LRMDA: variants seen among roughly 807,000 people sequenced by gnomAD.
The protein encoded by LRMDA is leucine rich melanocyte differentiation associated, also known as leucine-rich melanocyte differentiation-associated protein.
Under a neutral mutation model 29.8 loss-of-function variants are expected in LRMDA, and 18 were observed. That is an observed-to-expected ratio of 0.60 (90% CI 0.42 to 0.90). LRMDA has a LOEUF of 0.90. Among genes scored for constraint, LRMDA ranks in the 40% least tolerant of loss-of-function variants. LRMDA has a pLI of 0.00. For missense variants in LRMDA, 273 were observed against 273.9 expected (o/e 1.00, Z 0.02); for synonymous variants, 125 against 109.4 (o/e 1.14, Z -0.89).
chr10:75,433,087 G>C (rs1239771969), intron 1 of LRMDA, among the ~76,000 whole-genome samples: 1 of 149,756 alleles, frequency 6.7e-6, no homozygotes, highest in African/African-American at 2.6e-5. Context: ...GGGGAAAGGG[G>C]CTTTTTTTTT....
intron 6 of LRMDA, among the ~76,000 whole-genome samples, chr10:76,487,117 T>C (rs567162728): frequency 6.6e-6 from 1 of 152,044 alleles, no homozygotes; most frequent in Admixed American, 6.6e-5. Context: ...TGGTTCATGA[T>C]CCAGCTGCAT....
intron 5 of LRMDA, among the ~76,000 whole-genome samples, chr10:76,082,552 T>C (rs1237599957): frequency 2.6e-5 from 4 of 151,836 alleles, no homozygotes; most frequent in South Asian, 2.1e-4. Context: ...AGAATTGGCT[T>C]AGAAACCTGT....
At chr10:76,444,713 G>A (rs1263620636) in intron 6 of LRMDA, among the ~76,000 whole-genome samples, 1 of 152,084 alleles carries the variant, frequency 6.6e-6, no homozygotes, top group African/African-American at 2.4e-5. Flanking sequence ...TGGAACCCAA[G>A]ATGGTGAGTA....
At chr10:75,965,820 T>G (rs1281731037) in intron 2 of LRMDA, among the ~76,000 whole-genome samples, 2 of 152,214 alleles carry the variant, frequency 1.3e-5, no homozygotes, top group South Asian at 2.1e-4. Context: ...GGTTTGTGGC[T>G]GTTGTACCTG....
chr10:76,206,235 C>G (rs1424478785), intron 5 of LRMDA, among the ~76,000 whole-genome samples: 1 of 152,168 alleles, frequency 6.6e-6, no homozygotes, highest in African/African-American at 2.4e-5. Flanking sequence ...GTTCTCAGAA[C>G]AGGTTGGAAC....
At chr10:76,298,003 T>C (rs1564715342) in intron 5 of LRMDA, among the ~76,000 whole-genome samples, 1 of 152,238 alleles carries the variant, frequency 6.6e-6, no homozygotes, top group Non-Finnish European at 1.5e-5. Flanking sequence ...CTTGCTGGTA[T>C]GAGCCATTAA....
At chr10:75,821,804 C>A (rs1298307713) in intron 2 of LRMDA, among the ~76,000 whole-genome samples, 1 of 145,796 alleles carries the variant, frequency 6.9e-6, no homozygotes, top group East Asian at 2.0e-4. Context: ...ACAAAAAAAA[C>A]CCTTACCAAA....
chr10:75,585,115 G>C (rs1840641106), intron 2 of LRMDA, among the ~76,000 whole-genome samples: 1 of 152,194 alleles, frequency 6.6e-6, no homozygotes, highest in African/African-American at 2.4e-5. Flanking sequence ...CCCAGAACCA[G>C]AGACCTCTCC....
rs72811475 is a variant in LRMDA, at chr10:75,901,855, G to A, written c.132-134153G>A. On this transcript the variant is annotated intron_variant, in intron 2 of 6. Coordinates refer to ENST00000611255, the MANE Select transcript of LRMDA (RefSeq NM_001305581.2). ...ATATTGACAACCTGTTTTAGATCTC[G>A]AGGTTTTTCACGTGGTCTTTTTCTT... Among the ~76,000 whole-genome samples the A allele has an allele frequency of 9.5e-3, 1,444 of 152,150 alleles. 10 individuals carry two copies. Among genetic ancestry groups the A allele is most frequent in the Non-Finnish European group, 0.017 (1,132 of 67,994 alleles).
At chr10:76,343,336 C>T (rs1564729754) in intron 6 of LRMDA, among the ~76,000 whole-genome samples, 1 of 152,180 alleles carries the variant, frequency 6.6e-6, no homozygotes, top group Admixed American at 6.5e-5. Context: ...TAACTGCATA[C>T]TCACTCCAAT....
At chr10:76,477,802 A>G (rs1445279923) in intron 6 of LRMDA, among the ~76,000 whole-genome samples, 1 of 152,196 alleles carries the variant, frequency 6.6e-6, no homozygotes, top group Non-Finnish European at 1.5e-5. Flanking sequence ...GAAATGGGGA[A>G]AGGATTCCCT....
At chr10:75,657,806 T>A (rs1841698069) in intron 2 of LRMDA, among the ~76,000 whole-genome samples, 1 of 152,164 alleles carries the variant, frequency 6.6e-6, no homozygotes, top group Non-Finnish European at 1.5e-5. Context: ...TAACGGGTCC[T>A]AGGCTAAGAA....
chr10:76,499,895 G>A lies in LRMDA; in HGVS notation c.602-57314G>A, dbSNP rs1178464509. On this transcript the variant is annotated intron_variant, in intron 6 of 6. Transcript: ENST00000611255. Reference sequence around the variant, plus strand: ...TTATGTTATATATTTTTTAGAAATAGGGTCTCACTCTGTAACCTAGACTGA... The same window carrying A: ...TTATGTTATATATTTTTTAGAAATAAGGTCTCACTCTGTAACCTAGACTGA... Among the ~76,000 whole-genome samples the A allele has an allele frequency of 4.1e-5, 3 of 73,852 alleles. 1 individual carries two copies. The highest frequency in any genetic ancestry group is 9.9e-5 in the African/African-American group (3 of 30,386). 48.4% of individuals were successfully genotyped at this position (73,852 alleles called of 152,430 possible).
chr10:75,635,353 T>A (rs897193564), intron 2 of LRMDA, among the ~76,000 whole-genome samples: 5 of 152,142 alleles, frequency 3.3e-5, no homozygotes, highest in African/African-American at 1.2e-4. Flanking sequence ...GGATTTGGCC[T>A]TTCGCATGGT....
intron 1 of LRMDA, among the ~76,000 whole-genome samples, chr10:75,433,636 G>C (rs1844231468): frequency 1.3e-5 from 2 of 152,208 alleles, no homozygotes; most frequent in African/African-American, 4.8e-5. Flanking sequence ...TTGGATGTGG[G>C]TAGCATGGAA....
chr10:75,565,449 G>A (rs950386107), intron 2 of LRMDA, among the ~76,000 whole-genome samples: 2 of 152,210 alleles, frequency 1.3e-5, no homozygotes, highest in African/African-American at 4.8e-5. Flanking sequence ...ATCAGTGAGA[G>A]TGTGTTGGTT....
intron 2 of LRMDA, among the ~76,000 whole-genome samples, chr10:75,731,439 G>C (rs990724899): frequency 6.6e-5 from 10 of 152,320 alleles, no homozygotes; most frequent in Middle Eastern, 3.4e-3. Context: ...GTCTGTTTAA[G>C]CTCCATGAAG....
chr10:75,788,473 G>T (rs1024071321), intron 2 of LRMDA, among the ~76,000 whole-genome samples: 1 of 152,222 alleles, frequency 6.6e-6, no homozygotes, highest in Non-Finnish European at 1.5e-5. Flanking sequence ...CTAGTTGTCC[G>T]TCCCATTTTT....
intron 1 of LRMDA, among the ~76,000 whole-genome samples, chr10:75,438,153 C>G: frequency 6.6e-6 from 1 of 152,148 alleles, no homozygotes. Flanking sequence ...AGTCCAATTT[C>G]CATTGTCCTG....
Sources: allele counts gnomAD v4.1 joint callset (sites outside exome capture counted in the v4.1 genomes callset), GRCh38; gene constraint gnomAD v4.1.1; transcripts MANE v1.5; gene names NCBI Gene and HGNC (gene_info 2026-07-23, HGNC 2026-07-21).